The following PHLDB2 variants were observed in gnomAD, a reference collection of about 807,000 sequenced individuals.
PHLDB2 encodes the protein pleckstrin homology like domain family B member 2.
A neutral mutation model predicts 123.6 loss-of-function variants in PHLDB2; 71 were observed. The ratio of observed to expected loss-of-function variants is 0.57; its 90% CI spans 0.47 to 0.70. The LOEUF is 0.70. PHLDB2 is among the 30% of genes least tolerant of loss of function. PHLDB2 has a pLI of 0.00. For missense variants in PHLDB2, 1,446 were observed against 1,519.5 expected (o/e 0.95, Z 0.80); for synonymous variants, 547 against 541.6 (o/e 1.01, Z -0.14).
At position 111,920,339 on chromosome 3, in the gene PHLDB2, A is replaced by G. The variant is rs755169203; in HGVS notation, c.1921A>G (p.Met641Val). 3.5e-5 allele frequency: 56 copies of G among 1,613,972 alleles called. No individual in the cohort carries two copies. Among genetic ancestry groups the G allele is most frequent in the Middle Eastern group, 1.6e-4 (1 of 6,082 alleles). ...ACAGAAATCTGAAACAACTGAACTTATGAAGGAGAAGGAGATTTTGGATCA... is the reference window on the plus strand; with the variant it reads ...ACAGAAATCTGAAACAACTGAACTTGTGAAGGAGAAGGAGATTTTGGATCA... ...GEQKSETTEL[M>V]KEKEILDHLN... Residue 641 changes from methionine to valine, a missense_variant, in exon 5 of 18, where the codon ATG becomes GTG. Physicochemically the swap from Met to Val is conservative, Grantham distance 21 (BLOSUM62 1). This residue lies in a region of PHLDB2 where 832 missense variants were observed against 831.9 expected (regional missense o/e 1.00). Coordinates refer to ENST00000431670, the MANE Select transcript of PHLDB2 (RefSeq NM_001134438.2).
intron 1 of PHLDB2, among the ~76,000 whole-genome samples, chr3:111,860,103 GGCAGAATGT>G (rs1441342731): frequency 6.6e-6 from 1 of 152,082 alleles, no homozygotes; most frequent in Non-Finnish European, 1.5e-5. Flanking sequence ...GTAGAAAACA[GGCAGAATGT>G]GGGGGAACTG....
Position 111,859,512 on chromosome 3 carries a change from T to G in PHLDB2, c.-79T>G. 1 of 985,558 alleles carries G rather than the reference T, an allele frequency of 1.0e-6. No individual in the cohort carries two copies. The highest frequency in any genetic ancestry group is 1.2e-6 in the Non-Finnish European group (1 of 830,064). The allele number at this position is 985,558 out of a possible 1,614,324, so 61.1% of individuals were successfully genotyped here. On this transcript the variant is annotated 5_prime_UTR_variant, in exon 1 of 18. Coordinates refer to ENST00000431670, the MANE Select transcript of PHLDB2 (RefSeq NM_001134438.2). ...GGGACCCGACGGGGGCCCGACGGTG[T>G]GGCGTGGCGCAAGGAGCGCGCCTGC...
intron 1 of PHLDB2, among the ~76,000 whole-genome samples, chr3:111,840,838 T>G (rs554740814): frequency 2.0e-4 from 30 of 152,342 alleles, no homozygotes; most frequent in South Asian, 4.1e-4. Context: ...ACGTAAACAC[T>G]GGTATACCCT....
At chr3:111,838,597 A>G (rs1186949824) in intron 1 of PHLDB2, among the ~76,000 whole-genome samples, 1 of 152,232 alleles carries the variant, frequency 6.6e-6, no homozygotes, top group African/African-American at 2.4e-5. Flanking sequence ...AGGAAAAAAT[A>G]GTTGTAGGCT....
At chr3:111,855,667 C>A (rs561491047), upstream of PHLDB2, among the ~76,000 whole-genome samples, 19 of 114,064 alleles carry the variant, frequency 1.7e-4, no homozygotes, top group South Asian at 5.7e-4. Context: ...GACAAGGTCT[C>A]ACTCTGCCAC....
chr3:111,779,067 C>T (rs1309279301), intron 1 of PHLDB2, among the ~76,000 whole-genome samples: 2 of 151,892 alleles, frequency 1.3e-5, no homozygotes, highest in Non-Finnish European at 2.9e-5. Flanking sequence ...GTTTCTGGGC[C>T]CTACCTTCGG....
At chr3:111,755,800 T>C (rs1216690360) in intron 1 of PHLDB2, among the ~76,000 whole-genome samples, 1 of 148,652 alleles carries the variant, frequency 6.7e-6, no homozygotes, top group Non-Finnish European at 1.5e-5. Flanking sequence ...GTGCTATAAA[T>C]TTCCCTCTAC....
At chr3:111,758,250 G>T (rs915832404) in intron 1 of PHLDB2, among the ~76,000 whole-genome samples, 2 of 152,182 alleles carry the variant, frequency 1.3e-5, no homozygotes, top group Non-Finnish European at 2.9e-5. Flanking sequence ...GCTGTGGTGG[G>T]CTCCACCCAG....
chr3:111,843,471 G>T (rs1226391485), intron 1 of PHLDB2, among the ~76,000 whole-genome samples: 1 of 152,198 alleles, frequency 6.6e-6, no homozygotes, highest in Non-Finnish European at 1.5e-5. Flanking sequence ...GCTCACTGCA[G>T]CTCTTAACTC....
At chr3:111,775,551 C>T (rs115681718) in intron 1 of PHLDB2, among the ~76,000 whole-genome samples, 85 of 152,226 alleles carry the variant, frequency 5.6e-4, no homozygotes, top group African/African-American at 2.0e-3. Context: ...ATAATCAATT[C>T]AGATTTTTGG....
At chr3:111,821,621 G>T (rs531465582) in intron 1 of PHLDB2, among the ~76,000 whole-genome samples, 2 of 152,228 alleles carry the variant, frequency 1.3e-5, no homozygotes, top group East Asian at 1.9e-4. Context: ...TTATTTAAAG[G>T]TTGCTCATTT....
chr3:111,831,136 A>G (rs1365620378), intron 1 of PHLDB2, among the ~76,000 whole-genome samples: 4 of 152,142 alleles, frequency 2.6e-5, no homozygotes, highest in Non-Finnish European at 1.5e-5. Flanking sequence ...ATACTTAATC[A>G]GAATCTACAG....
intron 1 of PHLDB2, among the ~76,000 whole-genome samples, chr3:111,805,931 T>A: frequency 7.2e-6 from 1 of 138,960 alleles, no homozygotes; most frequent in Admixed American, 7.7e-5. Context: ...TTTTGTATTA[T>A]ATAAAATTCC....
At chr3:111,852,875 T>C (rs2108612883) in intron 2 of PHLDB2, among the ~76,000 whole-genome samples, 1 of 152,182 alleles carries the variant, frequency 6.6e-6, no homozygotes, top group South Asian at 2.1e-4. Context: ...AATGCAGAAA[T>C]TAATCAGATG....
At chr3:111,902,991 A>G (rs1236713231) in intron 2 of PHLDB2, among the ~76,000 whole-genome samples, 1 of 152,020 alleles carries the variant, frequency 6.6e-6, no homozygotes, top group East Asian at 1.9e-4. Context: ...ACCAAACCAC[A>G]ATAGGTTTAG....
rs1439914236 is a variant in PHLDB2 at position 111,771,248 on chromosome 3, G to A, written c.-49+38545G>A. On this transcript the variant is annotated intron_variant, in intron 1 of 17. Coordinates refer to the PHLDB2 transcript ENST00000393923. ...GCAGCGTTGGCTCCTTCTGAGGGCT[G>A]TTTGGGAGAATCTCTTCTATGCCTG... 1.6e-4 allele frequency among the ~76,000 whole-genome samples: 25 copies of A among 152,206 alleles called. 1 individual carries two copies. The highest frequency in any genetic ancestry group is 5.5e-4 in the African/African-American group (23 of 41,448).
chr3:111,768,433 A>G (rs955315698), intron 1 of PHLDB2, among the ~76,000 whole-genome samples: 3 of 152,076 alleles, frequency 2.0e-5, no homozygotes, highest in African/African-American at 7.2e-5. Context: ...AGAGGAGAAA[A>G]ATGTAAGAGG....
chr3:111,919,459 AC>A (rs1348091073), intron 4 of PHLDB2, among the ~76,000 whole-genome samples: 1 of 152,132 alleles, frequency 6.6e-6, no homozygotes, highest in Non-Finnish European at 1.5e-5. Flanking sequence ...TGAATCTCCA[AC>A]CAACTTTGTT....
At chr3:111,907,697 T>C (rs2067631798) in intron 2 of PHLDB2, among the ~76,000 whole-genome samples, 1 of 152,090 alleles carries the variant, frequency 6.6e-6, no homozygotes, top group Admixed American at 6.6e-5. Flanking sequence ...GGTTTAACCA[T>C]ATTAGGCTGG....
Sources: gnomAD v4.1 joint callset for allele counts (sites outside exome capture counted in the v4.1 genomes callset) on GRCh38, gnomAD v4.1.1 for gene constraint, gnomAD v4.1.1 regional missense constraint, MANE v1.5 for transcripts, NCBI Gene and HGNC (gene_info 2026-07-23, HGNC 2026-07-21) for gene names.